SIMC1: variants seen among roughly 807,000 people sequenced by gnomAD.
SIMC1 encodes SUMO interacting motifs containing 1, also known as SUMO-interacting motif-containing protein 1.
Under a neutral mutation model 82.3 loss-of-function variants are expected in SIMC1, and 55 were observed. That is an observed-to-expected ratio of 0.67 (90% CI 0.54 to 0.84). The LOEUF is 0.84. Among genes scored for constraint, SIMC1 ranks in the 40% least tolerant of loss-of-function variants. SIMC1 has a pLI of 0.00. For synonymous variants in SIMC1, 353 were observed against 426.3 expected (o/e 0.83, Z 2.12); for missense variants, 915 against 1,107.2 (o/e 0.83, Z 2.46).
chr5:176,252,121 C>T (rs866206869), intron 1 of SIMC1, among the ~76,000 whole-genome samples: 39 of 152,244 alleles, frequency 2.6e-4, no homozygotes, highest in African/African-American at 8.4e-4. Context: ...GGGGTGGTGG[C>T]CGGGCAGAGG....
At chr5:176,305,123 C>T (rs1415026144) in intron 4 of SIMC1, among the ~76,000 whole-genome samples, 7 of 137,322 alleles carry the variant, frequency 5.1e-5, no homozygotes, top group Admixed American at 7.0e-5. Flanking sequence ...CCCGGCCAGC[C>T]GTGCCATCCA....
At chr5:176,311,691 A>T (rs185691770) in intron 4 of SIMC1, among the ~76,000 whole-genome samples, 2 of 152,160 alleles carry the variant, frequency 1.3e-5, no homozygotes, top group African/African-American at 4.8e-5. Context: ...AAACAAAAAA[A>T]CTTCACAAGA....
chr5:176,320,753 T>G (rs982424448), intron 5 of SIMC1, among the ~76,000 whole-genome samples: 2 of 152,134 alleles, frequency 1.3e-5, no homozygotes, highest in Admixed American at 1.3e-4. Flanking sequence ...GAAGTTTTTT[T>G]TTTTTAAGTA....
At chr5:176,328,157 C>T (rs1307735709) in intron 7 of SIMC1, among the ~76,000 whole-genome samples, 1 of 152,152 alleles carries the variant, frequency 6.6e-6, no homozygotes, top group Non-Finnish European at 1.5e-5. Context: ...CCACCTCAGC[C>T]TCCCAAGATG....
intron 9 of SIMC1, among the ~76,000 whole-genome samples, chr5:176,341,540 G>T (rs532199796): frequency 2.0e-4 from 30 of 152,322 alleles, no homozygotes; most frequent in African/African-American, 7.0e-4. Flanking sequence ...CCAGGGGAGG[G>T]GTAATGGTGA....
At chr5:176,279,839 T>C (rs1181903843) in intron 1 of SIMC1, among the ~76,000 whole-genome samples, 4 of 152,034 alleles carry the variant, frequency 2.6e-5, no homozygotes, top group African/African-American at 9.7e-5. Context: ...GTCTGAGAGA[T>C]AGTTTGTTGT....
intron 1 of SIMC1, among the ~76,000 whole-genome samples, chr5:176,243,226 T>G (rs1761328502): frequency 6.6e-6 from 1 of 152,060 alleles, no homozygotes; most frequent in Non-Finnish European, 1.5e-5. Context: ...AGAGTTAATA[T>G]TTGACCTGAG....
chr5:176,283,114 A>G (rs983558576), intron 1 of SIMC1, among the ~76,000 whole-genome samples: 4 of 152,252 alleles, frequency 2.6e-5, no homozygotes, highest in African/African-American at 9.6e-5. Flanking sequence ...GATATCATCC[A>G]GTAGAACTTT....
chr5:176,247,196 A>G (rs1370153125), intron 1 of SIMC1, among the ~76,000 whole-genome samples: 6 of 152,122 alleles, frequency 3.9e-5, no homozygotes. Flanking sequence ...TGTCTTCCAC[A>G]ATGGTTGAAC....
chr5:176,255,571 G>A (rs1761825137), intron 1 of SIMC1, among the ~76,000 whole-genome samples: 1 of 129,790 alleles, frequency 7.7e-6, no homozygotes, highest in South Asian at 2.5e-4. Context: ...GACAGAGTGA[G>A]ACTGTCTTTT....
chr5:176,307,211 A>G (rs979566734), intron 4 of SIMC1, among the ~76,000 whole-genome samples: 2 of 152,226 alleles, frequency 1.3e-5, no homozygotes, highest in Admixed American at 1.3e-4. Context: ...TTGGGATTGT[A>G]AAGTGGTGCA....
chr5:176,324,014 A>C (rs1324910234), intron 6 of SIMC1, among the ~76,000 whole-genome samples: 3 of 151,174 alleles, frequency 2.0e-5, no homozygotes, highest in South Asian at 2.1e-4. Flanking sequence ...AAAAAAAAAA[A>C]CACGTGTTAG....
At chr5:176,333,517 C>T (rs1448923109) in intron 7 of SIMC1, among the ~76,000 whole-genome samples, 2 of 151,786 alleles carry the variant, frequency 1.3e-5, no homozygotes, top group East Asian at 4.0e-4. Context: ...CAACCTCTGC[C>T]TCCCAAGGCT....
At position 176,250,181 on chromosome 5, in the gene SIMC1, G is replaced by T. The variant is rs574393278; in HGVS notation, c.129+11544G>T. On this transcript the variant is annotated intron_variant, in intron 1 of 9. Transcript: ENST00000429602. ...TGCCTTAATGTCGTTATTTACCCAG[G>T]TTTCAAAGAATTATTTATTTCTGCC... Among the ~76,000 whole-genome samples the T allele has an allele frequency of 5.3e-5, 8 of 152,208 alleles. No homozygotes were observed. In the East Asian group the frequency reaches 1.5e-3, roughly 29 times the overall value.
At chr5:176,328,749 G>A (rs1049465316) in intron 7 of SIMC1, among the ~76,000 whole-genome samples, 1 of 152,094 alleles carries the variant, frequency 6.6e-6, no homozygotes, top group African/African-American at 2.4e-5. Flanking sequence ...GAGCTAGCAT[G>A]GTGGCATGCA....
chr5:176,275,570 T>C (rs953830914), intron 1 of SIMC1, among the ~76,000 whole-genome samples: 14 of 151,774 alleles, frequency 9.2e-5, no homozygotes, highest in Admixed American at 7.2e-4. Context: ...AGGGAATGCT[T>C]CCAGTTTTTG....
chr5:176,245,866 C>T (rs1332822203), intron 1 of SIMC1, among the ~76,000 whole-genome samples: 4 of 152,004 alleles, frequency 2.6e-5, no homozygotes, highest in African/African-American at 2.4e-5. Context: ...AGTCCAAGGT[C>T]GAGCAGGCAG....
chr5:176,310,524 G>T, intron 4 of SIMC1, among the ~76,000 whole-genome samples: 1 of 152,088 alleles, frequency 6.6e-6, no homozygotes, highest in East Asian at 1.9e-4. Context: ...GGGTATTATG[G>T]TGAACAAAAA....
At chr5:176,270,861 T>C (rs1484945566) in intron 1 of SIMC1, among the ~76,000 whole-genome samples, 2 of 152,144 alleles carry the variant, frequency 1.3e-5, no homozygotes, top group Admixed American at 1.3e-4. Flanking sequence ...TGGGCTAAGG[T>C]GCTCTGGGGT....
Sources: allele counts gnomAD v4.1 joint callset (sites outside exome capture counted in the v4.1 genomes callset), GRCh38; gene constraint gnomAD v4.1.1; transcripts MANE v1.5; gene names NCBI Gene and HGNC (gene_info 2026-07-23, HGNC 2026-07-21).